MED16: variants seen among roughly 807,000 people sequenced by gnomAD.
MED16 encodes the protein mediator complex subunit 16.
Under a neutral mutation model 84.4 loss-of-function variants are expected in MED16, and 81 were observed. That is an observed-to-expected ratio of 0.96 (90% CI 0.80 to 1.15). The LOEUF (loss-of-function observed/expected upper bound fraction) is 1.15, where lower values mean the gene tolerates loss of function less well. Ranked by LOEUF, MED16 falls within the 50% of genes most tolerant of loss-of-function variation. The pLI, the probability that MED16 is intolerant of heterozygous loss-of-function variation, is 0.00. For missense variants in MED16, 1,585 were observed against 1,245.9 expected (o/e 1.27, Z -4.10); for synonymous variants, 897 against 552.2 (o/e 1.62, Z -8.76).
chr19:890,430 G>C, intron 2 of MED16, 186 bp from the exon 3 acceptor site: 1 of 502,106 alleles, frequency 2.0e-6, no homozygotes, highest in Non-Finnish European at 3.5e-6. Context: ...AGGCCTGTGA[G>C]GCGCCACAAC....
rs761169713 is a variant in MED16 at position 871,168 on chromosome 19, G to A, written c.2184C>T (p.Ser728=). The A allele has an allele frequency of 7.1e-6, 11 of 1,548,890 alleles. No homozygotes were observed. The highest frequency in any genetic ancestry group is 6.8e-5 in the African/African-American group (5 of 73,114). Residue 728 remains serine (S), a synonymous_variant, in exon 13 of 16, where the codon AGC becomes AGT. Coordinates refer to ENST00000325464, the MANE Select transcript of MED16 (RefSeq NM_005481.3). ...CLLPSQLLIP[S]LDWLPASDGL... ...CGTCGCTGGCTGGCAGCCAGTCCAG[G>A]CTGGGGATAAGCAGCTGGCTGGGCA...
intron 6 of MED16, among the ~76,000 whole-genome samples, chr19:882,818 A>C (rs2036447673): frequency 6.6e-6 from 1 of 152,196 alleles, no homozygotes; most frequent in African/African-American, 2.4e-5. Flanking sequence ...CACCCGCATC[A>C]TGAGGTCTCT....
intron 13 of MED16, among the ~76,000 whole-genome samples, chr19:869,803 G>A (rs1045705006): frequency 9.9e-5 from 15 of 152,208 alleles, no homozygotes; most frequent in African/African-American, 3.1e-4. Context: ...GGCTCAGAGG[G>A]TTTGCATGTG....
chr19:883,280 G>A lies in MED16; in HGVS notation c.986-1566C>T, dbSNP rs369785586. Among the ~76,000 whole-genome samples the A allele has an allele frequency of 1.0e-4, 15 of 148,598 alleles. 1 individual carries two copies. The highest frequency in any genetic ancestry group is 6.4e-4 in the South Asian group (3 of 4,680). ...CGGTGCGTGAAGAGCTGGGCATGGC[G>A]GGGACCGAAGCCTGGCATGGTGGGC... On this transcript the variant is annotated intron_variant, in intron 6 of 15. Coordinates refer to ENST00000325464, the MANE Select transcript of MED16 (RefSeq NM_005481.3).
Position 868,263 on chromosome 19 carries a change from GC to G in MED16, c.2484-13del, listed in dbSNP as rs773487835. 2.5e-6 allele frequency: 4 copies of G among 1,592,692 alleles called. No individual in the cohort carries two copies. Among genetic ancestry groups the G allele is most frequent in the Non-Finnish European group, 2.6e-6 (3 of 1,171,328 alleles). On this transcript the variant is annotated splice_polypyrimidine_tract_variant and intron_variant, in intron 15 of 15. Transcript: ENST00000325464. ...GGCCTTCAACAGCCCTGCAGGGCGG[GC>G]TGAGGTTAACCGCGCCGAGGAGAGT...
At position 880,057 on chromosome 19, in the gene MED16, C is replaced by G. The variant is rs149892081; in HGVS notation, c.1233G>C (p.Pro411=). ...TMAVFYSSAA[P]RPVDEPAMKR... is the part of the protein sequence containing the mutation. ...TCATGGCCGGCTCATCCACAGGCCT[C>G]GGGGCCGCGGAGCTGTAGAAGACGG... Residue 411 remains proline, a synonymous_variant, in exon 8 of 16, where the codon CCG becomes CCC. Transcript: ENST00000325464. 1.9e-6 allele frequency: 3 copies of G among 1,611,008 alleles called. No individual in the cohort carries two copies. The highest frequency in any genetic ancestry group is 2.2e-5 in the South Asian group (2 of 90,836).
intron 2 of MED16, among the ~76,000 whole-genome samples, chr19:890,612 G>A (rs545763009): frequency 3.9e-5 from 6 of 152,312 alleles, no homozygotes; most frequent in Admixed American, 2.0e-4. Context: ...CTCAAACAAT[G>A]GAGAGAAGAC....
chr19:885,671 A>G (rs1478561440), intron 5 of MED16, 99 bp downstream of exon 5: 7 of 1,386,790 alleles, frequency 5.0e-6, no homozygotes, highest in Non-Finnish European at 4.9e-6. Flanking sequence ...ACCACGGTTT[A>G]GCCCGTGGAG....
At chr19:891,239 G>T in intron 1 of MED16, 90 bp from the exon 2 acceptor site, 2 of 1,299,606 alleles carry the variant, frequency 1.5e-6, no homozygotes, top group Non-Finnish European at 2.1e-6. Context: ...AACAATGGAG[G>T]CCCGTGGTAG....
chr19:869,995 G>A (rs1006963747), intron 13 of MED16, among the ~76,000 whole-genome samples: 2 of 152,276 alleles, frequency 1.3e-5, no homozygotes, highest in African/African-American at 4.8e-5. Context: ...CAGGGCTGCT[G>A]GGCAGCCAGG....
At chr19:882,767 G>A (rs1000873322) in intron 6 of MED16, among the ~76,000 whole-genome samples, 3 of 152,246 alleles carry the variant, frequency 2.0e-5, no homozygotes, top group African/African-American at 7.2e-5. Flanking sequence ...GGGCTGGCTT[G>A]TTACTCGGCT....
intron 13 of MED16, among the ~76,000 whole-genome samples, chr19:869,322 G>A (rs1316766414): frequency 1.3e-5 from 2 of 152,046 alleles, no homozygotes; most frequent in Admixed American, 6.5e-5. Flanking sequence ...CAGGTACATG[G>A]GGACTTCCAC....
intron 7 of MED16, 46 bp from the exon 8 acceptor site, chr19:880,194 C>G: frequency 1.3e-6 from 2 of 1,527,670 alleles, no homozygotes; most frequent in Non-Finnish European, 1.8e-6. Context: ...GCCCAGGACA[C>G]GCCCGCCGGG....
Position 877,036 on chromosome 19 carries a change from C to A in MED16, c.1498G>T (p.Val500Leu). The change falls in exon 9 of 16, where the codon GTA (valine) becomes TTA (leucine). Residue 500 changes from valine (V) to leucine (L), a missense_variant. Physicochemically the swap from Val to Leu is conservative, Grantham distance 32 (BLOSUM62 1). Transcript: ENST00000325464. ...TGCAGCTTCTCCACCAGGCTCTGTACCATACTGGGCTGCACGTGCAGCAGG... is the reference window on the plus strand; with the variant it reads ...TGCAGCTTCTCCACCAGGCTCTGTAACATACTGGGCTGCACGTGCAGCAGG... Reference protein sequence around the residue: ...DILLHVQPSMVQSLVEKLHEE... With the variant: ...DILLHVQPSMLQSLVEKLHEE... 2 of 1,612,594 alleles carry A rather than the reference C, an allele frequency of 1.2e-6. No individual in the cohort carries two copies. Among genetic ancestry groups the A allele is most frequent in the South Asian group, 2.2e-5 (2 of 91,084 alleles).
intron 11 of MED16, among the ~76,000 whole-genome samples, chr19:872,565 G>A (rs1046648141): frequency 1.6e-4 from 25 of 151,978 alleles, no homozygotes; most frequent in Admixed American, 1.3e-4. Context: ...TGATGGGCGC[G>A]GTGGAGAAGG....
chr19:882,878 G>A (rs958156413), intron 6 of MED16, among the ~76,000 whole-genome samples: 27 of 152,172 alleles, frequency 1.8e-4, no homozygotes, highest in East Asian at 3.9e-4. Context: ...CTGCAAACCC[G>A]TATAGGGGTC....
At chr19:877,735 C>A (rs1209216252) in intron 8 of MED16, among the ~76,000 whole-genome samples, 1 of 138,054 alleles carries the variant, frequency 7.2e-6, no homozygotes, top group East Asian at 2.0e-4. Context: ...CGTGCCCCAG[C>A]AGCTCACCTT....
At chr19:880,239 C>CTCTGCA in intron 7 of MED16, 91 bp from the exon 8 acceptor site, 4 of 1,246,824 alleles carry the variant, frequency 3.2e-6, no homozygotes, top group Non-Finnish European at 4.3e-6. Flanking sequence ...TGTGGAGAGC[C>CTCTGCA]GGGGCTGCCC....
At chr19:892,874 A>AGCCCCGAGCCCCGC (rs1185215035) in intron 1 of MED16, 20 of 84,170 alleles carry the variant, frequency 2.4e-4, no homozygotes, top group Admixed American at 1.7e-3. Context: ...GCAAACCCTG[A>AGCCCCGAGCCCCGC]GCCCCGAGCC....
Sources: gnomAD v4.1 joint callset for allele counts (sites outside exome capture counted in the v4.1 genomes callset) on GRCh38, gnomAD v4.1.1 for gene constraint, MANE v1.5 for transcripts, NCBI Gene and HGNC (gene_info 2026-07-23, HGNC 2026-07-21) for gene names.